KMO: variants seen among roughly 807,000 people sequenced by gnomAD.
The protein encoded by KMO is kynurenine 3-hydroxylase.
Under a neutral mutation model 57.8 loss-of-function variants are expected in KMO, and 24 were observed. The ratio of observed to expected loss-of-function variants is 0.42; its 90% confidence interval spans 0.30 to 0.58. KMO has a LOEUF of 0.58. KMO is among the 20% of genes least tolerant of loss of function. KMO has a pLI of 0.22. For synonymous variants in KMO, 210 were observed against 193.6 expected (o/e 1.08, Z -0.70); for missense variants, 483 against 588.2 (o/e 0.82, Z 1.85).
intron 10 of KMO, among the ~76,000 whole-genome samples, chr1:241,582,579 A>T (rs1662794001): frequency 6.6e-6 from 1 of 151,948 alleles, no homozygotes; most frequent in South Asian, 2.1e-4. Flanking sequence ...TTTCAATTGA[A>T]TTTTTCAGCT....
chr1:241,594,036 TG>T lies in KMO; in HGVS notation c.*1884del. ...CCAACAGTACAAAAAAAATTCAGTA[TG>T]TTCTAGCTACTTCACACATGTGTAC... On this transcript the variant is annotated 3_prime_UTR_variant, in exon 15 of 15. Transcript: ENST00000366559. The T allele has an allele frequency of 5.6e-6, 1 of 178,296 alleles. No individual in the cohort carries two copies. 11.0% of individuals were successfully genotyped at this position (178,296 alleles called of 1,614,324 possible).
intron 1 of KMO, among the ~76,000 whole-genome samples, chr1:241,547,391 ACT>A (rs1385134231): frequency 2.0e-5 from 3 of 152,052 alleles, no homozygotes; most frequent in Non-Finnish European, 4.4e-5. Flanking sequence ...AATGACAAAG[ACT>A]CTATATTCAG....
chr1:241,540,728 A>G (rs1360750748), intron 1 of KMO, among the ~76,000 whole-genome samples: 1 of 152,138 alleles, frequency 6.6e-6, no homozygotes, highest in East Asian at 1.9e-4. Flanking sequence ...GGAGCTAATA[A>G]ACAACTGTAA....
intron 1 of KMO, chr1:241,536,589 G>A: frequency 1.4e-6 from 1 of 707,518 alleles, no homozygotes; most frequent in Non-Finnish European, 1.7e-6. Context: ...AAGCATTCCA[G>A]TCTCAGCTGA....
intron 11 of KMO, among the ~76,000 whole-genome samples, chr1:241,587,234 G>T (rs1376617229): frequency 6.6e-6 from 1 of 152,202 alleles, no homozygotes; most frequent in Non-Finnish European, 1.5e-5. Flanking sequence ...TGTCTCGCCT[G>T]TGCAGTTCAC....
At chr1:241,546,190 T>A (rs1369779200) in intron 1 of KMO, among the ~76,000 whole-genome samples, 1 of 152,128 alleles carries the variant, frequency 6.6e-6, no homozygotes, top group East Asian at 1.9e-4. Context: ...AGGGTCCTGA[T>A]CTAAAACATA....
intron 1 of KMO, among the ~76,000 whole-genome samples, chr1:241,545,055 A>C (rs1413112340): frequency 6.6e-6 from 1 of 152,176 alleles, no homozygotes; most frequent in Non-Finnish European, 1.5e-5. Context: ...AATTTAGCAG[A>C]TTAAGTTATA....
At chr1:241,532,545 C>A (rs3765802) in intron 1 of KMO, 47 bp downstream of exon 1, 2 of 1,329,180 alleles carry the variant, frequency 1.5e-6, no homozygotes, top group South Asian at 1.3e-5. Flanking sequence ...ATTATATTAA[C>A]TATTATTACT....
Position 241,586,665 on chromosome 1 carries a change from T to G in KMO, c.958-14T>G, listed in dbSNP as rs779853146. The G allele has an allele frequency of 1.9e-6, 3 of 1,554,042 alleles. No individual in the cohort carries two copies. The South Asian group carries it at 3.5e-5, about 18-fold the overall frequency. ...TTTCTAGTTTCTTATTTCTCTTTTTTTTTCTTGTTTCAGGGCTTTGAAGAC... is the reference window on the plus strand; with the variant it reads ...TTTCTAGTTTCTTATTTCTCTTTTTGTTTCTTGTTTCAGGGCTTTGAAGAC... On this transcript the variant is annotated splice_polypyrimidine_tract_variant and intron_variant, in intron 10 of 14. Coordinates refer to ENST00000366559, the MANE Select transcript of KMO (RefSeq NM_003679.5).
chr1:241,550,785 A>T (rs1334058400), intron 3 of KMO, among the ~76,000 whole-genome samples, 170 bp from the exon 4 acceptor site: 1 of 152,200 alleles, frequency 6.6e-6, no homozygotes, highest in Non-Finnish European at 1.5e-5. Flanking sequence ...AAGCTTCAGG[A>T]TCACCATTTT....
intron 2 of KMO, among the ~76,000 whole-genome samples, chr1:241,549,256 A>AGAAAGAAAGAAAGAAAGTCG (rs1553346343): frequency 1.0e-4 from 12 of 114,902 alleles, no homozygotes; most frequent in South Asian, 2.9e-4. Context: ...AAAGAAAGAA[A>AGAAAGAAAGAAAGAAAGTCG]GAAAGAAAGA....
In KMO at chr1:241,543,207, G is replaced by A. The variant is rs537739443; in HGVS notation, c.55-5622G>A. Among the ~76,000 whole-genome samples, 129 of 152,052 alleles carry A rather than the reference G, an allele frequency of 8.5e-4. 4 individuals are homozygous for A. In the South Asian group the frequency reaches 0.024, roughly 28 times the overall value. On this transcript the variant is annotated intron_variant, in intron 1 of 14. Coordinates refer to ENST00000366559, the MANE Select transcript of KMO (RefSeq NM_003679.5). ...CAGTGACTTCATCAACTCTGTACTC[G>A]TCCCCCACCCATTAGAAGCATTATG...
intron 7 of KMO, among the ~76,000 whole-genome samples, chr1:241,564,301 C>A (rs1661994012): frequency 6.6e-6 from 1 of 152,034 alleles, no homozygotes. Context: ...CCCCTGGGAA[C>A]CTTCAAAAAT....
chr1:241,562,869 AG>A (rs1411616128), intron 7 of KMO, among the ~76,000 whole-genome samples: 119 of 26,082 alleles, frequency 4.6e-3, no homozygotes, highest in African/African-American at 0.013. Context: ...GAAAGAAGGA[AG>A]GAAGGAAGGA....
chr1:241,535,872 T>C (rs1006148724), intron 1 of KMO, among the ~76,000 whole-genome samples: 3 of 152,220 alleles, frequency 2.0e-5, no homozygotes, highest in African/African-American at 7.2e-5. Flanking sequence ...CCCACAGGGC[T>C]TTGTTTGTCA....
At chr1:241,568,677 C>T (rs1411485364) in intron 10 of KMO, 30 bp downstream of exon 10, 2 of 1,605,734 alleles carry the variant, frequency 1.2e-6, no homozygotes, top group Non-Finnish European at 1.7e-6. Flanking sequence ...GTAAGTCCCT[C>T]AAATACTTCT....
intron 10 of KMO, among the ~76,000 whole-genome samples, chr1:241,576,946 CTTTAT>C (rs2147974966): frequency 6.6e-6 from 1 of 152,054 alleles, no homozygotes; most frequent in Non-Finnish European, 1.5e-5. Flanking sequence ...ATTATATTTT[CTTTAT>C]TTTGTCTGAT....
In KMO at chr1:241,551,005, A is replaced by G; in HGVS notation, c.273A>G (p.Ser91=). ...PMRARMIHSL[S]GKKSAIPYGT... The stretch of plus-strand genomic sequence containing the variant: ...GAGCAAGAATGATCCACTCTCTTTC[A>G]GGAAAAAAGTCTGCAATTCCCTATG... Residue 91 remains serine, a synonymous_variant, in exon 4 of 15, where the codon TCA becomes TCG. Transcript: ENST00000366559. 4 of 1,565,000 alleles carry G rather than the reference A, an allele frequency of 2.6e-6. No homozygotes were observed. The South Asian group carries it at 3.6e-5, about 14-fold the overall frequency.
In KMO at chr1:241,566,233, A is replaced by G. The variant is rs147585069; in HGVS notation, c.688-258A>G. Among the ~76,000 whole-genome samples the G allele has an allele frequency of 9.4e-3, 1,436 of 152,250 alleles. 6 individuals carry two copies. The highest frequency in any genetic ancestry group is 0.017 in the African/African-American group (703 of 41,554). Reference sequence around the variant, plus strand: ...AAAGAAAAAGAAAAAAGAGTGTAGTATTTGCTGTGTGAAAATGGAGAGTTT... The same window carrying G: ...AAAGAAAAAGAAAAAAGAGTGTAGTGTTTGCTGTGTGAAAATGGAGAGTTT... On this transcript the variant is annotated intron_variant, in intron 8 of 14. Transcript: ENST00000366559.
Sources: allele counts gnomAD v4.1 joint callset (sites outside exome capture counted in the v4.1 genomes callset), GRCh38; gene constraint gnomAD v4.1.1; transcripts MANE v1.5; gene names NCBI Gene and HGNC (gene_info 2026-07-23, HGNC 2026-07-21).